CCDC28A: variants seen among roughly 807,000 people sequenced by gnomAD.
The protein encoded by CCDC28A is coiled-coil domain-containing protein 28A.
Under a neutral mutation model 22.1 loss-of-function variants are expected in CCDC28A, and 24 were observed. The ratio of observed to expected loss-of-function variants is 1.09; its 90% CI spans 0.79 to 1.53. The LOEUF (loss-of-function observed/expected upper bound fraction) is 1.53, where lower values mean the gene tolerates loss of function less well. Among genes scored for constraint, CCDC28A ranks in the 40% most tolerant of loss-of-function variants. CCDC28A has a pLI of 0.00. For synonymous variants in CCDC28A, 83 were observed against 74.7 expected (o/e 1.11, Z -0.57); for missense variants, 170 against 210.7 (o/e 0.81, Z 1.20).
intron 3 of CCDC28A, among the ~76,000 whole-genome samples, chr6:138,784,035 G>A (rs889142027): frequency 1.3e-5 from 2 of 151,862 alleles, no homozygotes; most frequent in Non-Finnish European, 2.9e-5. Flanking sequence ...ATGCCACCAC[G>A]CCTGGCTAAT....
chr6:138,775,352 T>TA (rs2114898659), intron 1 of CCDC28A, among the ~76,000 whole-genome samples: 1 of 152,386 alleles, frequency 6.6e-6, no homozygotes, highest in South Asian at 2.1e-4. Context: ...GGGCCATCTG[T>TA]AACTTCACAT....
intron 3 of CCDC28A, 56 bp from the exon 4 acceptor site, chr6:138,785,171 A>C (rs1775073013): frequency 7.9e-7 from 1 of 1,264,416 alleles, no homozygotes; most frequent in Non-Finnish European, 1.1e-6. Flanking sequence ...GTTTTTACTC[A>C]ATGCTGTTAG....
intron 1 of CCDC28A, among the ~76,000 whole-genome samples, chr6:138,774,977 G>A (rs1774905545): frequency 6.8e-6 from 1 of 146,414 alleles, no homozygotes; most frequent in Middle Eastern, 3.4e-3. Context: ...TTTTTGAGAC[G>A]GAGTCTCGCT....
intron 5 of CCDC28A, among the ~76,000 whole-genome samples, chr6:138,791,431 A>G (rs1463052879): frequency 1.3e-5 from 2 of 152,142 alleles, no homozygotes; most frequent in African/African-American, 4.8e-5. Flanking sequence ...AGGTATTGCT[A>G]CAAAATTAAT....
intron 4 of CCDC28A, 103 bp downstream of exon 4, chr6:138,785,484 G>C: frequency 3.7e-6 from 3 of 802,068 alleles, no homozygotes; most frequent in Non-Finnish European, 6.0e-6. Flanking sequence ...GGTTGCTAGC[G>C]TATTCACAGT....
chr6:138,785,392 T>G lies in CCDC28A; in HGVS notation c.477+11T>G. On this transcript the variant is annotated intron_variant, in intron 4 of 5. Transcript: ENST00000617445. ...AGGCTTCTGTCAGATGTAAGTGTAA[T>G]TCTTTTTCTTTGTTCTTTAAAAAAA... The G allele has an allele frequency of 6.3e-7, 1 of 1,583,546 alleles. No homozygotes were observed. Among genetic ancestry groups the G allele is most frequent in the Non-Finnish European group, 8.6e-7 (1 of 1,168,108 alleles).
At chr6:138,784,573 C>A (rs1775065448) in intron 3 of CCDC28A, among the ~76,000 whole-genome samples, 1 of 151,920 alleles carries the variant, frequency 6.6e-6, no homozygotes, top group African/African-American at 2.4e-5. Flanking sequence ...TGTTGCCAGG[C>A]TGGTCTTGAA....
At chr6:138,782,797 G>A (rs1417750580) in intron 3 of CCDC28A, among the ~76,000 whole-genome samples, 2 of 152,156 alleles carry the variant, frequency 1.3e-5, no homozygotes, top group Non-Finnish European at 2.9e-5. Context: ...TTAACATAAT[G>A]TCGTATAGTC....
intron 5 of CCDC28A, 118 bp from the exon 6 acceptor site, chr6:138,792,631 T>G (rs1583526268): frequency 2.9e-6 from 2 of 698,910 alleles, no homozygotes; most frequent in Admixed American, 2.3e-5. Context: ...CAAGAGCTTT[T>G]CCTTTGAACA....
intron 3 of CCDC28A, among the ~76,000 whole-genome samples, chr6:138,784,500 A>G (rs7772915): frequency 0.28 from 42,021 of 151,202 alleles, 6,461 homozygotes; most frequent in African/African-American, 0.41. Context: ...AGAGGCATGC[A>G]GCACCATGCC....
chr6:138,773,804 G>C lies in CCDC28A; in HGVS notation c.-141G>C, dbSNP rs769947437. On this transcript the variant is annotated 5_prime_UTR_variant, in exon 1 of 6. Coordinates refer to ENST00000617445, the MANE Select transcript of CCDC28A (RefSeq NM_015439.3). The stretch of plus-strand genomic sequence containing the variant: ...GGAGCTGCGGAGGAGCGGGTCCCGG[G>C]ATGTGACCGGGGCTCTGCTTGTGGC... 4.3e-6 allele frequency: 7 copies of C among 1,614,074 alleles called. No individual in the cohort carries two copies. The South Asian group carries it at 6.6e-5, about 15-fold the overall frequency.
At chr6:138,789,286 A>T (rs865926654) in intron 5 of CCDC28A, among the ~76,000 whole-genome samples, 2 of 152,196 alleles carry the variant, frequency 1.3e-5, no homozygotes, top group African/African-American at 4.8e-5. Context: ...CCTTTGAACC[A>T]GTTATTGACA....
At chr6:138,789,158 A>C (rs1434533275) in intron 5 of CCDC28A, among the ~76,000 whole-genome samples, 1 of 152,220 alleles carries the variant, frequency 6.6e-6, no homozygotes, top group African/African-American at 2.4e-5. Context: ...TAGAGCAATT[A>C]TTTTAAGAAC....
intron 3 of CCDC28A, among the ~76,000 whole-genome samples, chr6:138,781,778 C>T (rs756962175): frequency 4.6e-5 from 7 of 152,092 alleles, no homozygotes; most frequent in Non-Finnish European, 8.8e-5. Flanking sequence ...TAGATACTAA[C>T]CCTCTGACCT....
At chr6:138,790,141 G>A (rs1775148910) in intron 5 of CCDC28A, among the ~76,000 whole-genome samples, 1 of 150,950 alleles carries the variant, frequency 6.6e-6, no homozygotes, top group African/African-American at 2.4e-5. Context: ...CTATCCTTTT[G>A]TGTGGTTTTG....
At position 138,792,970 on chromosome 6, in the gene CCDC28A, T is replaced by C. The variant is rs1278136922; in HGVS notation, c.*167T>C. 3.3e-6 allele frequency: 2 copies of C among 602,532 alleles called. No individual in the cohort carries two copies. Among genetic ancestry groups the C allele is most frequent in the Non-Finnish European group, 5.9e-6 (2 of 337,254 alleles). 37.3% of individuals were successfully genotyped at this position (602,532 alleles called of 1,614,324 possible). A position where few individuals can be genotyped will look rare whatever the true frequency, so the allele number is the denominator to read the frequency against. On this transcript the variant is annotated 3_prime_UTR_variant, in exon 6 of 6. Coordinates refer to ENST00000617445, the MANE Select transcript of CCDC28A (RefSeq NM_015439.3). ...TGCTTTTAGTAAATGTGACTCGCTG[T>C]AATTCACCATAACTGGAGGCCTAGG...
rs148630348 is a variant in CCDC28A at position 138,777,230 on chromosome 6, TA to T, written c.158+956del. 1.5e-3 allele frequency among the ~76,000 whole-genome samples: 231 copies of T among 152,346 alleles called. 2 individuals are homozygous for T. The highest frequency in any genetic ancestry group is 5.3e-3 in the African/African-American group (222 of 41,584). On this transcript the variant is annotated intron_variant, in intron 2 of 5. Transcript: ENST00000617445. ...CTGTAGCCGCTGGGTTTACACCTAA[TA>T]AAAGATGAGATTACTGCCTTGATGA...
chr6:138,789,038 T>C (rs1775133182), intron 5 of CCDC28A, among the ~76,000 whole-genome samples: 1 of 152,222 alleles, frequency 6.6e-6, no homozygotes, highest in Non-Finnish European at 1.5e-5. Flanking sequence ...GATGCTTACA[T>C]AGCTTGTGAA....
intron 2 of CCDC28A, among the ~76,000 whole-genome samples, chr6:138,777,236 A>T (rs1774949473): frequency 6.6e-6 from 1 of 152,240 alleles, no homozygotes. Flanking sequence ...CTAATAAAAG[A>T]TGAGATTACT....
Sources: gnomAD v4.1 joint callset for allele counts (sites outside exome capture counted in the v4.1 genomes callset) on GRCh38, gnomAD v4.1.1 for gene constraint, MANE v1.5 for transcripts, NCBI Gene and HGNC (gene_info 2026-07-23, HGNC 2026-07-21) for gene names.